DPY19L4: variants seen among roughly 807,000 people sequenced by gnomAD.
The protein encoded by DPY19L4 is probable C-mannosyltransferase DPY19L4.
Under a neutral mutation model 102.8 loss-of-function variants are expected in DPY19L4, and 97 were observed. The ratio of observed to expected loss-of-function variants is 0.94; its 90% CI spans 0.80 to 1.12. The LOEUF is 1.12. Among genes scored for constraint, DPY19L4 ranks in the 50% most tolerant of loss-of-function variants. The probability of loss-of-function intolerance (pLI) is 0.00; values close to 1 mark genes in which losing one functional copy is unlikely to be tolerated. For synonymous variants in DPY19L4, 252 were observed against 283.1 expected (o/e 0.89, Z 1.10); for missense variants, 815 against 850.4 (o/e 0.96, Z 0.52).
intron 7 of DPY19L4, among the ~76,000 whole-genome samples, chr8:94,757,928 TG>T (rs765297651): frequency 1.3e-4 from 19 of 151,846 alleles, no homozygotes; most frequent in Admixed American, 5.3e-4. Flanking sequence ...CTGGCCAACA[TG>T]GTGAACCCTC....
chr8:94,774,264 C>T (rs927541745), intron 13 of DPY19L4, among the ~76,000 whole-genome samples: 1 of 151,206 alleles, frequency 6.6e-6, no homozygotes, highest in Non-Finnish European at 1.5e-5. Flanking sequence ...CCAGGCTGGT[C>T]TTAAACTCCT....
chr8:94,741,242 G>C (rs143628478), intron 6 of DPY19L4, among the ~76,000 whole-genome samples: 111 of 152,270 alleles, frequency 7.3e-4, no homozygotes, highest in African/African-American at 2.6e-3. Context: ...CCATTGAATA[G>C]TTATGTTTTT....
intron 3 of DPY19L4, among the ~76,000 whole-genome samples, 195 bp from the exon 4 acceptor site, chr8:94,738,174 C>T (rs901298845): frequency 2.0e-5 from 3 of 150,902 alleles, no homozygotes. Context: ...AAAAAATAGC[C>T]GGGCGTGGTG....
intron 11 of DPY19L4, among the ~76,000 whole-genome samples, chr8:94,768,154 G>A (rs888369520): frequency 5.3e-4 from 81 of 152,132 alleles, no homozygotes; most frequent in African/African-American, 1.9e-3. Context: ...AGATGGTCAC[G>A]TTACTTGGTA....
intron 6 of DPY19L4, among the ~76,000 whole-genome samples, chr8:94,741,587 G>A (rs1049526889): frequency 1.9e-4 from 29 of 152,066 alleles, no homozygotes; most frequent in Non-Finnish European, 1.5e-5. Context: ...TTTGATTCTG[G>A]TGTTCTCTTT....
At position 94,793,415 on chromosome 8, in the gene DPY19L4, TA is replaced by T. The variant is rs1813934518; in HGVS notation, c.*3510del. ...TCTCTTTATACAACTGATGGGGTTT[TA>T]AAAAGTGTAAATTGCCTTTTTTGTT... On this transcript the variant is annotated 3_prime_UTR_variant, in exon 19 of 19. Transcript: ENST00000414645. The T allele has an allele frequency of 6.7e-6, 1 of 149,832 alleles. No individual in the cohort carries two copies. Among genetic ancestry groups the T allele is most frequent in the African/African-American group, 2.6e-5 (1 of 39,160 alleles). The allele number at this position is 149,832 out of a possible 1,614,324, so 9.3% of individuals were successfully genotyped here. A position where few individuals can be genotyped will look rare whatever the true frequency, so the allele number is the denominator to read the frequency against.
At chr8:94,741,771 T>G (rs953992873) in intron 6 of DPY19L4, among the ~76,000 whole-genome samples, 1 of 152,250 alleles carries the variant, frequency 6.6e-6, no homozygotes, top group South Asian at 2.1e-4. Flanking sequence ...ACAACTTTGT[T>G]AATCTTTGAA....
At chr8:94,788,641 A>ACGCG (rs10601540) in intron 18 of DPY19L4, among the ~76,000 whole-genome samples, 50 of 115,552 alleles carry the variant, frequency 4.3e-4, no homozygotes, top group African/African-American at 1.5e-3. Context: ...AGACTGACGC[A>ACGCG]CGCGCGCGCG....
chr8:94,775,580 G>A (rs903851015), intron 13 of DPY19L4, among the ~76,000 whole-genome samples: 3 of 152,166 alleles, frequency 2.0e-5, no homozygotes, highest in African/African-American at 4.8e-5. Flanking sequence ...TACTGTCTTG[G>A]CCTCCCAAAG....
chr8:94,727,242 A>G (rs1345506595), intron 2 of DPY19L4, among the ~76,000 whole-genome samples: 1 of 151,948 alleles, frequency 6.6e-6, no homozygotes, highest in South Asian at 2.1e-4. Flanking sequence ...TGATTGATTG[A>G]TTGATTTTTG....
intron 12 of DPY19L4, among the ~76,000 whole-genome samples, chr8:94,769,464 A>G (rs1812826944): frequency 6.6e-6 from 1 of 152,212 alleles, no homozygotes; most frequent in South Asian, 2.1e-4. Context: ...ACTTTTACAG[A>G]CTGATTCACT....
rs367682631 is a variant in DPY19L4, at chr8:94,765,749, A to T, written c.1041A>T (p.Ile347=). ...VKKGSFVAKI[I]KVINFYLVCT... is the part of the protein sequence containing the mutation. ...AAGGAAGTTTTGTAGCTAAAATAAT[A>T]AAAGTGATTAATTTTTACTTGGTGT... Residue 347 remains isoleucine, a synonymous_variant, in exon 10 of 19, where the codon ATA becomes ATT. Coordinates refer to ENST00000414645, the MANE Select transcript of DPY19L4 (RefSeq NM_181787.3). The T allele has an allele frequency of 6.2e-7, 1 of 1,603,098 alleles. No homozygotes were observed. The highest frequency in any genetic ancestry group is 8.5e-7 in the Non-Finnish European group (1 of 1,172,382).
intron 13 of DPY19L4, among the ~76,000 whole-genome samples, chr8:94,776,026 C>CTTTTTTTTTTTTTT (rs1165180641): frequency 1.2e-5 from 1 of 81,502 alleles, no homozygotes; most frequent in Non-Finnish European, 2.2e-5. Flanking sequence ...ATTTTTAAAT[C>CTTTTTTTTTTTTTT]TTTTTTTTTT....
intron 18 of DPY19L4, 135 bp from the exon 19 acceptor site, chr8:94,789,611 A>G: frequency 1.3e-6 from 1 of 757,640 alleles, no homozygotes; most frequent in Non-Finnish European, 2.0e-6. Flanking sequence ...TCTATTTGCT[A>G]ACAGTGAGAT....
intron 14 of DPY19L4, among the ~76,000 whole-genome samples, chr8:94,779,604 G>C (rs1158537892): frequency 1.3e-5 from 2 of 151,958 alleles, no homozygotes; most frequent in African/African-American, 4.8e-5. Flanking sequence ...TGGAATTATA[G>C]GTGTGAGCTA....
At chr8:94,772,172 T>G (rs547932094) in intron 13 of DPY19L4, among the ~76,000 whole-genome samples, 150 of 152,210 alleles carry the variant, frequency 9.9e-4, no homozygotes, top group African/African-American at 3.4e-3. Flanking sequence ...TCTGCACAAG[T>G]TTTTAGTTTT....
chr8:94,789,845 A>G lies in DPY19L4; in HGVS notation c.2107A>G (p.Arg703Gly), dbSNP rs755801043. The G allele has an allele frequency of 3.7e-6, 6 of 1,611,248 alleles. No homozygotes were observed. The highest frequency in any genetic ancestry group is 5.1e-6 in the Non-Finnish European group (6 of 1,178,960). The change falls in exon 19 of 19, where the codon AGA becomes GGA. Residue 703 changes from arginine (R) to glycine (G), a missense_variant. Physicochemically the swap from Arg to Gly is moderately radical, Grantham distance 125. Coordinates refer to ENST00000414645, the MANE Select transcript of DPY19L4 (RefSeq NM_181787.3). Reference sequence around the variant, plus strand: ...TTCTCCATATGTGAATTATTTCACTAGAGTATACTGGAACAGATCCTACTT... The same window carrying G: ...TTCTCCATATGTGAATTATTTCACTGGAGTATACTGGAACAGATCCTACTT... ...NYSPYVNYFT[R>G]VYWNRSYFVY...
chr8:94,793,220 C>G lies in DPY19L4; in HGVS notation c.*3310C>G, dbSNP rs1251278513. 1 of 152,130 alleles carries G rather than the reference C, an allele frequency of 6.6e-6. No homozygotes were observed. The highest frequency in any genetic ancestry group is 6.5e-5 in the Admixed American group (1 of 15,274). 9.4% of individuals were successfully genotyped at this position (152,130 alleles called of 1,614,324 possible). ...TTTAAGGAAAAGCAGAAATGGAAGT[C>G]AAAGTGTGTTATAAATTGAGACTGA... On this transcript the variant is annotated 3_prime_UTR_variant, in exon 19 of 19. Coordinates refer to ENST00000414645, the MANE Select transcript of DPY19L4 (RefSeq NM_181787.3).
chr8:94,759,500 C>CTTTTTTTTTT (rs1161705507), intron 7 of DPY19L4, among the ~76,000 whole-genome samples: 27 of 67,534 alleles, frequency 4.0e-4, no homozygotes, highest in Non-Finnish European at 6.9e-4. Context: ...TCTACATGTT[C>CTTTTTTTTTT]TTTTTTTTTT....
Sources: gnomAD v4.1 joint callset for allele counts (sites outside exome capture counted in the v4.1 genomes callset) on GRCh38, gnomAD v4.1.1 for gene constraint, MANE v1.5 for transcripts, NCBI Gene and HGNC (gene_info 2026-07-23, HGNC 2026-07-21) for gene names.